The following NVL variants were observed in gnomAD, a reference collection of about 807,000 sequenced individuals.
NVL encodes the protein nuclear valosin-containing protein-like.
NVL carries 84 observed loss-of-function variants against 110.2 expected under a neutral mutation model. That is an observed-to-expected ratio of 0.76 (90% CI 0.64 to 0.91). The LOEUF is 0.91. NVL is among the 40% of genes least tolerant of loss of function. NVL has a pLI of 0.00. For synonymous variants in NVL, 354 were observed against 361.1 expected (o/e 0.98, Z 0.22); for missense variants, 882 against 1,035.9 (o/e 0.85, Z 2.04).
chr1:224,327,306 G>T (rs1404365031), intron 1 of NVL, among the ~76,000 whole-genome samples: 2 of 152,038 alleles, frequency 1.3e-5, no homozygotes, highest in Non-Finnish European at 2.9e-5. Flanking sequence ...AGCCAGACAT[G>T]GTGGTGCATA....
intron 2 of NVL, among the ~76,000 whole-genome samples, chr1:224,319,532 G>C (rs921933866): frequency 3.9e-5 from 6 of 151,984 alleles, no homozygotes; most frequent in Admixed American, 3.9e-4. Context: ...CCAGAGTCTA[G>C]TCAAGGTTCA....
chr1:224,240,891 A>G (rs1661121293), intron 19 of NVL, among the ~76,000 whole-genome samples: 1 of 150,428 alleles, frequency 6.6e-6, no homozygotes, highest in African/African-American at 2.5e-5. Context: ...CCCGGGTTCA[A>G]GAGATTCTCC....
chr1:224,236,111 T>C (rs576619102), intron 20 of NVL, among the ~76,000 whole-genome samples: 1 of 152,084 alleles, frequency 6.6e-6, no homozygotes, highest in African/African-American at 2.4e-5. Context: ...ATAGGAAGGA[T>C]GAAGGCAGAA....
chr1:224,313,735 G>T (rs1458220650), intron 4 of NVL, among the ~76,000 whole-genome samples: 1 of 152,150 alleles, frequency 6.6e-6, no homozygotes. Flanking sequence ...AGAGGCGGTG[G>T]CTCAAGCCTG....
chr1:224,269,081 TAAC>T (rs1164157481), intron 17 of NVL, among the ~76,000 whole-genome samples: 1 of 120,094 alleles, frequency 8.3e-6, no homozygotes. Context: ...TTGGTGAGAC[TAAC>T]TTTTTTTTTT....
chr1:224,257,130 C>CA (rs745874664), intron 18 of NVL: 1 of 518,430 alleles, frequency 1.9e-6, no homozygotes, highest in Non-Finnish European at 3.9e-6. Flanking sequence ...AGGTAGAAGA[C>CA]AAAAAATAAC....
At chr1:224,236,720 GT>G in intron 19 of NVL, 138 bp from the exon 20 acceptor site, 1 of 620,216 alleles carries the variant, frequency 1.6e-6, no homozygotes. Context: ...AGACCAACCT[GT>G]GGAACATGGT....
chr1:224,276,055 A>T lies in NVL; in HGVS notation c.1963-597T>A, dbSNP rs371043035. ...TCAAGAAATATAGCAATTCACAAGC[A>T]ACTATAACATTAGGACTAAGTAATA... On this transcript the variant is annotated intron_variant, in intron 16 of 22. Transcript: ENST00000281701. Among the ~76,000 whole-genome samples the T allele has an allele frequency of 4.6e-5, 7 of 152,354 alleles. No individual in the cohort carries two copies. In the South Asian group the frequency reaches 1.2e-3, roughly 27 times the overall value.
intron 17 of NVL, among the ~76,000 whole-genome samples, chr1:224,274,850 A>G (rs2102853134): frequency 6.6e-6 from 1 of 152,290 alleles, no homozygotes; most frequent in South Asian, 2.1e-4. Flanking sequence ...GATCAATTTT[A>G]TATCTTCTCC....
chr1:224,238,039 CT>C (rs1553304700), intron 19 of NVL, among the ~76,000 whole-genome samples: 129 of 149,160 alleles, frequency 8.6e-4, no homozygotes, highest in African/African-American at 3.1e-3. Flanking sequence ...TTTCTCTTTT[CT>C]TTTTTTTTCT....
At chr1:224,274,959 C>G (rs1236567255) in intron 17 of NVL, among the ~76,000 whole-genome samples, 1 of 152,024 alleles carries the variant, frequency 6.6e-6, no homozygotes, top group African/African-American at 2.4e-5. Flanking sequence ...ATAACCTGAC[C>G]CTATTTTGAG....
At chr1:224,235,900 TCCAG>T (rs1660409767) in intron 20 of NVL, among the ~76,000 whole-genome samples, 1 of 146,728 alleles carries the variant, frequency 6.8e-6, no homozygotes, top group Non-Finnish European at 1.5e-5. Flanking sequence ...GCCACTGTAC[TCCAG>T]CCTGGGTGAA....
intron 4 of NVL, among the ~76,000 whole-genome samples, chr1:224,314,496 A>T (rs1244515511): frequency 6.6e-6 from 1 of 152,256 alleles, no homozygotes; most frequent in Non-Finnish European, 1.5e-5. Flanking sequence ...ATTAAAAAAT[A>T]CAATTTATCA....
intron 12 of NVL, among the ~76,000 whole-genome samples, chr1:224,293,224 C>G (rs1571974432): frequency 6.6e-6 from 1 of 151,982 alleles, no homozygotes; most frequent in Non-Finnish European, 1.5e-5. Flanking sequence ...AGCCTGCCAC[C>G]ATGCCTGGCT....
At chr1:224,230,909 G>A (rs12184283) in intron 22 of NVL, among the ~76,000 whole-genome samples, 6,809 of 152,072 alleles carry the variant, frequency 0.045, 200 homozygotes, top group African/African-American at 0.069. Context: ...AGAGACGGGC[G>A]GATCACGAGG....
intron 22 of NVL, among the ~76,000 whole-genome samples, chr1:224,230,471 G>A (rs1659748647): frequency 6.6e-6 from 1 of 152,020 alleles, no homozygotes; most frequent in Non-Finnish European, 1.5e-5. Context: ...AGGCATGGTG[G>A]TGCGCACCTA....
chr1:224,253,048 T>A lies in NVL; in HGVS notation c.2183-2730A>T, dbSNP rs1662685821. ...TAATTTTCTTGTACAAGTCTTTGTATATGCTTTTTTTTTTAATGACAGAGT... is the reference window on the plus strand; with the variant it reads ...TAATTTTCTTGTACAAGTCTTTGTAAATGCTTTTTTTTTTAATGACAGAGT... On this transcript the variant is annotated intron_variant, in intron 18 of 22. Transcript: ENST00000281701. 2.0e-5 allele frequency among the ~76,000 whole-genome samples: 3 copies of A among 152,078 alleles called. No homozygotes were observed. In the South Asian group the frequency reaches 6.2e-4, roughly 32 times the overall value.
At chr1:224,327,095 C>A (rs917407139) in intron 1 of NVL, among the ~76,000 whole-genome samples, 2 of 152,024 alleles carry the variant, frequency 1.3e-5, no homozygotes, top group South Asian at 4.1e-4. Context: ...GAGCTATGAT[C>A]GAGCCACTGC....
chr1:224,326,609 C>T (rs1671168755), intron 1 of NVL, 145 bp from the exon 2 acceptor site: 1 of 559,114 alleles, frequency 1.8e-6, no homozygotes, highest in African/African-American at 1.9e-5. Context: ...ATAAAAGTAA[C>T]CAAATAATTG....
Sources: gnomAD v4.1 joint callset for allele counts (sites outside exome capture counted in the v4.1 genomes callset) on GRCh38, gnomAD v4.1.1 for gene constraint, MANE v1.5 for transcripts, NCBI Gene and HGNC (gene_info 2026-07-23, HGNC 2026-07-21) for gene names.